GABRG2: variants seen among roughly 807,000 people sequenced by gnomAD.
GABRG2 encodes gamma-aminobutyric acid receptor subunit gamma-2.
Under a neutral mutation model 56.4 loss-of-function variants are expected in GABRG2, and 16 were observed. The observed-to-expected ratio is 0.28, with a 90% CI of 0.19 to 0.43. GABRG2 has a LOEUF of 0.43. Among genes scored for constraint, GABRG2 ranks in the 20% least tolerant of loss-of-function variants. The pLI is 1.00. For missense variants in GABRG2, 327 were observed against 582.7 expected (o/e 0.56, Z 4.52); for synonymous variants, 208 against 205.5 (o/e 1.01, Z -0.10).
At chr5:162,085,252 A>C (rs1267965857) in intron 1 of GABRG2, among the ~76,000 whole-genome samples, 1 of 152,016 alleles carries the variant, frequency 6.6e-6, no homozygotes. Flanking sequence ...TTCCTTGTAC[A>C]TATATTAAGT....
intron 1 of GABRG2, among the ~76,000 whole-genome samples, chr5:162,088,449 A>G (rs1308322063): frequency 6.6e-6 from 1 of 152,194 alleles, no homozygotes; most frequent in Admixed American, 6.6e-5. Flanking sequence ...GCAGATGATC[A>G]CATCCATTAC....
Position 162,142,174 on chromosome 5 carries a change from G to A in GABRG2, c.780G>A (p.Val260=), listed in dbSNP as rs1426450541. The part of the protein sequence containing the change: ...EVVKTTSGDY[V]VMSVYFDLSR... ...TTTGGTCTGTTCCAGGAGATTATGT[G>A]GTCATGTCTGTCTACTTTGATCTGA... Residue 260 remains valine, a synonymous_variant, in exon 7 of 10, where the codon GTG becomes GTA. Transcript: ENST00000639213. 3 of 1,613,852 alleles carry A rather than the reference G, an allele frequency of 1.9e-6. No individual in the cohort carries two copies. Among genetic ancestry groups the A allele is most frequent in the Non-Finnish European group, 2.5e-6 (3 of 1,179,936 alleles).
At chr5:162,112,955 T>TTAG (rs1762357919) in intron 6 of GABRG2, among the ~76,000 whole-genome samples, 1 of 151,976 alleles carries the variant, frequency 6.6e-6, no homozygotes, top group Non-Finnish European at 1.5e-5. Context: ...TTTTATTTTA[T>TTAG]TATTATTATT....
intron 6 of GABRG2, among the ~76,000 whole-genome samples, chr5:162,121,980 A>G (rs974676075): frequency 6.6e-6 from 1 of 152,092 alleles, no homozygotes; most frequent in Non-Finnish European, 1.5e-5. Context: ...TAAATAAATC[A>G]GTGCTGTCAT....
intron 8 of GABRG2, chr5:162,149,586 G>T (rs1489198196): frequency 1.3e-6 from 1 of 751,900 alleles, no homozygotes; most frequent in Non-Finnish European, 2.4e-6. Flanking sequence ...TTTGAGAAAT[G>T]TGACCTTCTT....
intron 6 of GABRG2, among the ~76,000 whole-genome samples, chr5:162,139,182 T>C (rs550210994): frequency 7.4e-4 from 112 of 152,304 alleles, no homozygotes; most frequent in African/African-American, 2.6e-3. Flanking sequence ...ATTAAACTCA[T>C]ACATAAAATA....
chr5:162,069,377 A>G (rs907949560), intron 1 of GABRG2, among the ~76,000 whole-genome samples: 2 of 152,244 alleles, frequency 1.3e-5, no homozygotes, highest in Admixed American at 6.5e-5. Context: ...ATATCAAGAC[A>G]GTGCCCTAAC....
intron 1 of GABRG2, among the ~76,000 whole-genome samples, chr5:162,090,496 C>T (rs780441271): frequency 3.5e-4 from 54 of 152,152 alleles, no homozygotes; most frequent in Middle Eastern, 3.4e-3. Flanking sequence ...CAGAGCTCTG[C>T]ATTTCTGGCA....
chr5:162,090,282 A>G (rs568875328), intron 1 of GABRG2, among the ~76,000 whole-genome samples: 11 of 151,718 alleles, frequency 7.3e-5, no homozygotes, highest in Middle Eastern at 3.4e-3. Flanking sequence ...ACGTACACTT[A>G]CACGTACATA....
chr5:162,118,597 C>A (rs967306785), intron 6 of GABRG2, among the ~76,000 whole-genome samples: 2 of 151,640 alleles, frequency 1.3e-5, no homozygotes, highest in African/African-American at 2.4e-5. Context: ...AAAACTCTCT[C>A]TATATATCTA....
intron 1 of GABRG2, among the ~76,000 whole-genome samples, chr5:162,068,743 G>A (rs1293345222): frequency 6.6e-6 from 1 of 152,228 alleles, no homozygotes; most frequent in East Asian, 1.9e-4. Context: ...CTGATAGAAC[G>A]TCTCTAAATA....
At chr5:162,095,078 G>A (rs982684130) in intron 2 of GABRG2, among the ~76,000 whole-genome samples, 9 of 152,114 alleles carry the variant, frequency 5.9e-5, no homozygotes, top group African/African-American at 1.9e-4. Context: ...TGTTCTGAAT[G>A]CATATTTTTT....
At chr5:162,071,073 G>C (rs1244128379) in intron 1 of GABRG2, among the ~76,000 whole-genome samples, 2 of 151,420 alleles carry the variant, frequency 1.3e-5, no homozygotes, top group Admixed American at 1.3e-4. Context: ...ATAAGGAATA[G>C]TATAAAGAAT....
chr5:162,149,590 C>A (rs1218392819), intron 8 of GABRG2: 15 of 748,476 alleles, frequency 2.0e-5, no homozygotes, highest in South Asian at 1.1e-4. Context: ...AGAAATGTGA[C>A]CTTCTTCTTG....
chr5:162,073,729 T>C (rs1758859992), intron 1 of GABRG2, among the ~76,000 whole-genome samples: 1 of 151,946 alleles, frequency 6.6e-6, no homozygotes. Flanking sequence ...TCTAGAGTAA[T>C]AAGAAGCTAT....
At position 162,155,315 on chromosome 5, in the gene GABRG2, CATT is replaced by C. The variant is rs1054594417; in HGVS notation, c.*1951_*1953del. ...GTTGGCAAGTTTCAATGGTGAGAAA[CATT>C]ATTGTCAACTTGAAATGTGTTCTGT... On this transcript the variant is annotated 3_prime_UTR_variant, in exon 10 of 10. Coordinates refer to ENST00000639213, the MANE Select transcript of GABRG2 (RefSeq NM_198904.4). 1 of 152,398 alleles carries C rather than the reference CATT, an allele frequency of 6.6e-6. No individual in the cohort carries two copies. Among genetic ancestry groups the C allele is most frequent in the Non-Finnish European group, 1.5e-5 (1 of 67,986 alleles). 9.4% of individuals were successfully genotyped at this position (152,398 alleles called of 1,614,324 possible).
Position 162,155,206 on chromosome 5 carries a change from T to A in GABRG2, c.*1838T>A, listed in dbSNP as rs1039081493. On this transcript the variant is annotated 3_prime_UTR_variant, in exon 10 of 10. Transcript: ENST00000639213. ...TTTAATATATCAGTGCTCCAGTATA[T>A]AACCTCAAACAAATGTAAATAGAAC... 4.6e-5 allele frequency: 7 copies of A among 152,542 alleles called. No individual in the cohort carries two copies. The East Asian group carries it at 1.3e-3, about 29-fold the overall frequency. The allele number at this position is 152,542 out of a possible 1,614,324, so 9.4% of individuals were successfully genotyped here. A position where few individuals can be genotyped will look rare whatever the true frequency, so the allele number is the denominator to read the frequency against.
chr5:162,118,431 T>C (rs1200624883), intron 6 of GABRG2, among the ~76,000 whole-genome samples: 1 of 151,976 alleles, frequency 6.6e-6, no homozygotes, highest in Non-Finnish European at 1.5e-5. Flanking sequence ...TCAAGGACAT[T>C]TAAAATCCTT....
At chr5:162,080,197 A>G (rs933150873) in intron 1 of GABRG2, among the ~76,000 whole-genome samples, 4 of 152,194 alleles carry the variant, frequency 2.6e-5, no homozygotes. Context: ...TCTGGGGGAA[A>G]GCAGACAGTA....
Sources: allele counts gnomAD v4.1 joint callset (sites outside exome capture counted in the v4.1 genomes callset), GRCh38; gene constraint gnomAD v4.1.1; transcripts MANE v1.5; gene names NCBI Gene and HGNC (gene_info 2026-07-23, HGNC 2026-07-21).